NRG1: variants seen among roughly 807,000 people sequenced by gnomAD.
NRG1 encodes the protein neuregulin 1, also known as pro-neuregulin-1, membrane-bound isoform.
Under a neutral mutation model 63.8 loss-of-function variants are expected in NRG1, and 18 were observed. That is an observed-to-expected ratio of 0.28 (90% confidence interval 0.19 to 0.42). The LOEUF (loss-of-function observed/expected upper bound fraction) is 0.42. Among genes scored for constraint, NRG1 ranks in the 10% least tolerant of loss-of-function variants. The pLI, the probability that NRG1 is intolerant of heterozygous loss-of-function variation, is 1.00. For missense variants in NRG1, 762 were observed against 814.7 expected, an observed-to-expected ratio of 0.94 and a Z score of 0.79; for synonymous variants, 302 against 301.3, an observed-to-expected ratio of 1.00 and a Z score of -0.02.
intron 1 of NRG1, among the ~76,000 whole-genome samples, chr8:31,757,947 T>G (rs2131497532): frequency 6.6e-6 from 1 of 152,212 alleles, no homozygotes; most frequent in Non-Finnish European, 1.5e-5. Flanking sequence ...TTCTCCTCTA[T>G]CACTCATAGA....
Position 31,731,666 on chromosome 8 carries a change from T to G in NRG1, c.37+92235T>G, listed in dbSNP as rs563877670. Among the ~76,000 whole-genome samples the G allele has an allele frequency of 2.5e-4, 38 of 152,276 alleles. No individual in the cohort carries two copies. In the South Asian group the frequency reaches 7.7e-3, roughly 31 times the overall value. On this transcript the variant is annotated intron_variant, in intron 1 of 10. Transcript: ENST00000519301. ...CAGAACATAACTCAGTTAATATATA[T>G]GTACTAAATAAATTTATAATTTTTA...
intron 1 of NRG1, among the ~76,000 whole-genome samples, chr8:31,728,080 T>C (rs1364464951): frequency 6.6e-6 from 1 of 152,156 alleles, no homozygotes; most frequent in African/African-American, 2.4e-5. Context: ...TTAGGAATTG[T>C]TTACTTCTGA....
intron 1 of NRG1, among the ~76,000 whole-genome samples, chr8:32,403,783 A>G (rs751817964): frequency 1.3e-5 from 2 of 152,166 alleles, no homozygotes; most frequent in African/African-American, 2.4e-5. Flanking sequence ...ACATTTTTGG[A>G]TCATAATGAG....
At chr8:32,124,665 G>A (rs770765116) in intron 1 of NRG1, among the ~76,000 whole-genome samples, 13 of 151,778 alleles carry the variant, frequency 8.6e-5, no homozygotes, top group Non-Finnish European at 1.9e-4. Context: ...TATCTATAAC[G>A]TGAATTTTTG....
chr8:32,312,118 G>A (rs1298338380), intron 1 of NRG1, among the ~76,000 whole-genome samples: 6 of 149,240 alleles, frequency 4.0e-5, no homozygotes, highest in Admixed American at 3.3e-4. Flanking sequence ...TCTAGAACAC[G>A]ATGAAGTGGA....
chr8:31,928,058 A>G (rs141766542), intron 1 of NRG1, among the ~76,000 whole-genome samples: 1 of 151,192 alleles, frequency 6.6e-6, no homozygotes, highest in African/African-American at 2.4e-5. Context: ...CCTCTAAATA[A>G]TGAAAGCTCC....
intron 1 of NRG1, among the ~76,000 whole-genome samples, chr8:31,731,900 G>C (rs1233439819): frequency 1.3e-5 from 2 of 152,138 alleles, no homozygotes; most frequent in African/African-American, 4.8e-5. Context: ...TATTTTCCTT[G>C]TCTTACTCTG....
chr8:32,487,452 G>A (rs745473855), intron 1 of NRG1, among the ~76,000 whole-genome samples: 7 of 151,946 alleles, frequency 4.6e-5, no homozygotes, highest in Non-Finnish European at 1.0e-4. Context: ...TGTAAGGCAG[G>A]GCTTGGTGAC....
At chr8:32,593,854 C>CAAAAA (rs11444147) in intron 1 of NRG1, among the ~76,000 whole-genome samples, 4 of 97,054 alleles carry the variant, frequency 4.1e-5, no homozygotes, top group Admixed American at 1.1e-4. Flanking sequence ...TTCAAGGTGT[C>CAAAAA]AAAAAAAAAA....
At chr8:32,078,704 A>G (rs139444539) in intron 1 of NRG1, among the ~76,000 whole-genome samples, 1 of 152,166 alleles carries the variant, frequency 6.6e-6, no homozygotes, top group African/African-American at 2.4e-5. Context: ...GTTCATTAAC[A>G]TTTTTCAATT....
intron 1 of NRG1, among the ~76,000 whole-genome samples, chr8:32,164,300 A>G (rs1839178454): frequency 1.3e-5 from 2 of 151,920 alleles, no homozygotes; most frequent in South Asian, 2.1e-4. Context: ...TTCAGTATCT[A>G]TCTTTGAATT....
chr8:32,194,775 A>G (rs1435482176), intron 1 of NRG1, among the ~76,000 whole-genome samples: 1 of 152,192 alleles, frequency 6.6e-6, no homozygotes, highest in African/African-American at 2.4e-5. Context: ...TTTTAAAAAG[A>G]AGTCTTTCCC....
At chr8:32,760,174 G>T in intron 10 of NRG1, 26 bp from the exon 11 acceptor site, 2 of 1,612,604 alleles carry the variant, frequency 1.2e-6, no homozygotes, top group African/African-American at 1.3e-5. Flanking sequence ...CGAAATATCT[G>T]ATTGTCTCTC....
At chr8:31,817,769 G>A (rs894132771) in intron 1 of NRG1, among the ~76,000 whole-genome samples, 4 of 152,146 alleles carry the variant, frequency 2.6e-5, no homozygotes, top group African/African-American at 9.7e-5. Context: ...GCGTTATATG[G>A]AAATGTGACA....
intron 1 of NRG1, among the ~76,000 whole-genome samples, chr8:31,985,481 G>A (rs1306125370): frequency 6.6e-6 from 1 of 152,024 alleles, no homozygotes; most frequent in Non-Finnish European, 1.5e-5. Context: ...GCAATTTAAT[G>A]TATGATGTTA....
At chr8:31,676,058 G>C in intron 1 of NRG1, among the ~76,000 whole-genome samples, 1 of 152,018 alleles carries the variant, frequency 6.6e-6, no homozygotes, top group Non-Finnish European at 1.5e-5. Flanking sequence ...TCACTTTCTA[G>C]GGCTTATTTC....
chr8:32,522,851 G>C (rs1830467188), intron 1 of NRG1, among the ~76,000 whole-genome samples: 1 of 150,856 alleles, frequency 6.6e-6, no homozygotes, highest in East Asian at 1.9e-4. Context: ...TGTCACCTAG[G>C]CTGGACTGCA....
At chr8:32,739,123 A>AC (rs1825775229) in intron 6 of NRG1, among the ~76,000 whole-genome samples, 1 of 152,108 alleles carries the variant, frequency 6.6e-6, no homozygotes, top group South Asian at 2.1e-4. Context: ...GGAAAATGAG[A>AC]CCCCGTAAAG....
chr8:32,124,070 C>T (rs932453759), intron 1 of NRG1, among the ~76,000 whole-genome samples: 2 of 151,892 alleles, frequency 1.3e-5, no homozygotes, highest in Non-Finnish European at 1.5e-5. Context: ...ATTTCAGAAA[C>T]CTTCCATAAT....
Sources: gnomAD v4.1 joint callset for allele counts (sites outside exome capture counted in the v4.1 genomes callset) on GRCh38, gnomAD v4.1.1 for gene constraint, MANE v1.5 for transcripts, NCBI Gene and HGNC (gene_info 2026-07-23, HGNC 2026-07-21) for gene names.